AFMID: variants seen among roughly 807,000 people sequenced by gnomAD.
AFMID encodes the protein kynurenine formamidase.
A neutral mutation model predicts 47.5 loss-of-function variants in AFMID; 39 were observed. The observed-to-expected ratio is 0.82, with a 90% CI of 0.64 to 1.07. The LOEUF (loss-of-function observed/expected upper bound fraction) is 1.07. AFMID is among the 50% of genes least tolerant of loss of function. AFMID has a pLI of 0.00. For missense variants in AFMID, 375 were observed against 387.5 expected (o/e 0.97, Z 0.27); for synonymous variants, 130 against 153.2 (o/e 0.85, Z 1.12).
At chr17:78,204,772 G>A in intron 5 of AFMID, 31 bp downstream of exon 5, 8 of 1,614,188 alleles carry the variant, frequency 5.0e-6, no homozygotes, top group Non-Finnish European at 8.5e-7. Flanking sequence ...AGGTCCGAGG[G>A]CCGGTGGGCT....
intron 2 of AFMID, chr17:78,192,795 C>T (rs1489418732): frequency 1.1e-5 from 4 of 360,238 alleles, no homozygotes; most frequent in Admixed American, 9.2e-5. Context: ...GGTGAGGACG[C>T]AGCCAACCAT....
At chr17:78,200,597 G>T (rs931769612) in intron 2 of AFMID, among the ~76,000 whole-genome samples, 1 of 129,524 alleles carries the variant, frequency 7.7e-6, no homozygotes, top group African/African-American at 4.2e-5. Context: ...ACGTGAAGAC[G>T]GAGGCAGAGA....
intron 2 of AFMID, among the ~76,000 whole-genome samples, chr17:78,198,965 A>C (rs529856683): frequency 2.0e-5 from 3 of 152,262 alleles, no homozygotes; most frequent in East Asian, 1.9e-4. Context: ...CTTTCATCCA[A>C]ATGGCCCCGT....
At chr17:78,187,574 A>G in intron 1 of AFMID, 141 bp downstream of exon 1, 1 of 783,778 alleles carries the variant, frequency 1.3e-6, no homozygotes. Flanking sequence ...CCAGGTCCCC[A>G]GTGCTTGAGC....
rs762404520 is a variant in AFMID, at chr17:78,204,900, A to G, written c.467A>G (p.Lys156Arg). 9 of 1,614,192 alleles carry G rather than the reference A, an allele frequency of 5.6e-6. No individual in the cohort carries two copies. The highest frequency in any genetic ancestry group is 1.6e-4 in the Middle Eastern group (1 of 6,062). ...GTCCAGAAGCGGTATCCAAGCAACA[A>G]GTGGGTGTTGCCAGTAGATTTTCTT... is the stretch of plus-strand genomic sequence containing the variant. Reference protein sequence around the residue: ...AFVQKRYPSNKGIYLCGHSAG... With the variant: ...AFVQKRYPSNRGIYLCGHSAG... The change falls in exon 6 of 11, where the codon AAG becomes AGG. Residue 156 changes from lysine to arginine, a missense_variant and splice_region_variant. Physicochemically the swap from Lys to Arg is conservative, Grantham distance 26. Transcript: ENST00000409257.
At chr17:78,205,056 G>A in intron 6 of AFMID, 37 bp from the exon 7 acceptor site, 1 of 1,583,024 alleles carries the variant, frequency 6.3e-7, no homozygotes, top group Non-Finnish European at 8.6e-7. Context: ...TGGGGAAACT[G>A]CGTGCAAATC....
chr17:78,206,878 C>A, intron 10 of AFMID, 33 bp from the exon 11 acceptor site: 1 of 1,612,940 alleles, frequency 6.2e-7, no homozygotes. Flanking sequence ...TGCTCTGATT[C>A]TGGGGCTTTT....
intron 2 of AFMID, among the ~76,000 whole-genome samples, chr17:78,199,269 G>A (rs1375704830): frequency 6.6e-6 from 1 of 152,192 alleles, no homozygotes; most frequent in East Asian, 1.9e-4. Flanking sequence ...TGGCATAGAC[G>A]CAATTCGTAC....
At chr17:78,204,992 C>G (rs754812883) in intron 6 of AFMID, 92 bp downstream of exon 6, 2 of 1,581,894 alleles carry the variant, frequency 1.3e-6, no homozygotes, top group Non-Finnish European at 1.7e-6. Flanking sequence ...AGCTGCCCCT[C>G]TGGCCTGTGG....
At position 78,204,706 on chromosome 17, in the gene AFMID, C is replaced by T; in HGVS notation, c.359C>T (p.Ala120Val). 1 of 1,614,114 alleles carries T rather than the reference C, an allele frequency of 6.2e-7. No individual in the cohort carries two copies. Among genetic ancestry groups the T allele is most frequent in the Non-Finnish European group, 8.5e-7 (1 of 1,180,018 alleles). ...CACCCGCTGACGGCACAGGGAGTGG[C>T]CGTGGTAATAGTGGCTTACGGCATC... ...MVHPLTAQGV[A>V]VVIVAYGIAP... The change falls in exon 5 of 11, where the codon GCC becomes GTC. Residue 120 changes from alanine to valine, a missense_variant. Transcript: ENST00000409257.
At chr17:78,198,089 C>T (rs535864207) in intron 2 of AFMID, among the ~76,000 whole-genome samples, 5 of 152,126 alleles carry the variant, frequency 3.3e-5, no homozygotes, top group East Asian at 1.9e-4. Flanking sequence ...GTTAGCCAGG[C>T]GTGGTGGCAC....
intron 1 of AFMID, among the ~76,000 whole-genome samples, chr17:78,189,570 G>A (rs534637417): frequency 6.7e-6 from 1 of 149,578 alleles, no homozygotes; most frequent in African/African-American, 2.5e-5. Flanking sequence ...TCAGGCTGGA[G>A]TGCAATGGCG....
intron 1 of AFMID, chr17:78,190,696 C>A (rs1042411531): frequency 5.3e-6 from 2 of 377,952 alleles, no homozygotes; most frequent in Non-Finnish European, 9.7e-6. Context: ...CACCTGGCCT[C>A]CCCTGGTCGT....
intron 2 of AFMID, among the ~76,000 whole-genome samples, chr17:78,201,414 C>T (rs1427868811): frequency 6.6e-6 from 1 of 151,874 alleles, no homozygotes; most frequent in Non-Finnish European, 1.5e-5. Flanking sequence ...TGAGGTTGAG[C>T]TCGAGACCAG....
intron 2 of AFMID, among the ~76,000 whole-genome samples, chr17:78,193,843 G>A (rs928960376): frequency 2.6e-5 from 4 of 151,908 alleles, no homozygotes; most frequent in African/African-American, 9.7e-5. Flanking sequence ...TGGGCGTGGT[G>A]CGGGCACCTG....
intron 1 of AFMID, among the ~76,000 whole-genome samples, chr17:78,188,721 T>G (rs758972439): frequency 6.6e-6 from 1 of 152,106 alleles, no homozygotes; most frequent in Non-Finnish European, 1.5e-5. Flanking sequence ...CTCAGCCTCC[T>G]GAGTAGCTGG....
chr17:78,193,868 C>G (rs1171097668), intron 2 of AFMID, among the ~76,000 whole-genome samples: 1 of 151,258 alleles, frequency 6.6e-6, no homozygotes, highest in Non-Finnish European at 1.5e-5. Context: ...CCCATCTACT[C>G]TGGAGACTGA....
At chr17:78,202,276 A>ATAT (rs1567852236) in intron 2 of AFMID, among the ~76,000 whole-genome samples, 1 of 149,302 alleles carries the variant, frequency 6.7e-6, no homozygotes, top group African/African-American at 2.4e-5. Flanking sequence ...TATATATATA[A>ATAT]AAATTAGCTG....
At chr17:78,205,058 G>C in intron 6 of AFMID, 35 bp from the exon 7 acceptor site, 1 of 1,585,354 alleles carries the variant, frequency 6.3e-7, no homozygotes, top group Non-Finnish European at 8.6e-7. Flanking sequence ...GGGAAACTGC[G>C]TGCAAATCCA....
Sources: gnomAD v4.1 joint callset for allele counts (sites outside exome capture counted in the v4.1 genomes callset) on GRCh38, gnomAD v4.1.1 for gene constraint, MANE v1.5 for transcripts, NCBI Gene and HGNC (gene_info 2026-07-23, HGNC 2026-07-21) for gene names.